The following GNB1 variants were observed in gnomAD, a reference collection of about 807,000 sequenced individuals.
GNB1 encodes guanine nucleotide-binding protein G(I)/G(S)/G(T) subunit beta-1.
GNB1 carries 2 observed loss-of-function variants against 42.9 expected under a neutral mutation model. The observed-to-expected ratio is 0.05, with a 90% CI of 0.02 to 0.15. The LOEUF (loss-of-function observed/expected upper bound fraction) is 0.15, where lower values mean the gene tolerates loss of function less well. Ranked by LOEUF, GNB1 falls within the 10% of genes least tolerant of loss-of-function variation. The pLI is 1.00. For missense variants in GNB1, 193 were observed against 462.2 expected (o/e 0.42, Z 5.34); for synonymous variants, 183 against 174.7 (o/e 1.05, Z -0.38).
At chr1:1,808,521 C>T (rs778651877) in intron 5 of GNB1, among the ~76,000 whole-genome samples, 1 of 152,150 alleles carries the variant, frequency 6.6e-6, no homozygotes, top group Non-Finnish European at 1.5e-5. Flanking sequence ...ATGCTGTTTT[C>T]AAGGAAGAGC....
intron 2 of GNB1, among the ~76,000 whole-genome samples, chr1:1,835,957 G>A (rs1647143158): frequency 7.1e-6 from 1 of 141,804 alleles, no homozygotes. Flanking sequence ...AGACATGGTA[G>A]TGCGTGCCTA....
At chr1:1,850,538 C>T (rs546608657) in intron 1 of GNB1, among the ~76,000 whole-genome samples, 1 of 152,166 alleles carries the variant, frequency 6.6e-6, no homozygotes, top group Admixed American at 6.6e-5. Flanking sequence ...CTGACAAACT[C>T]ACTGAGAAAA....
chr1:1,819,953 T>C (rs1646909274), intron 3 of GNB1, among the ~76,000 whole-genome samples: 4 of 152,200 alleles, frequency 2.6e-5, no homozygotes, highest in Admixed American at 2.6e-4. Flanking sequence ...GTGCCCCACA[T>C]GGGGAAGGTG....
In GNB1 at chr1:1,786,250, G is replaced by T; in HGVS notation, c.*813C>A. ...TATAAACTTCCCTCCAACTTCACAAGGAAACCCAAAGTGAGATTAAAAACT... is the reference window on the plus strand; with the variant it reads ...TATAAACTTCCCTCCAACTTCACAATGAAACCCAAAGTGAGATTAAAAACT... On this transcript the variant is annotated 3_prime_UTR_variant, in exon 12 of 12. Coordinates refer to ENST00000378609, the MANE Select transcript of GNB1 (RefSeq NM_002074.5). The T allele has an allele frequency of 2.5e-6, 1 of 393,518 alleles. No individual in the cohort carries two copies. Among genetic ancestry groups the T allele is most frequent in the Non-Finnish European group, 4.5e-6 (1 of 223,210 alleles). 24.4% of individuals were successfully genotyped at this position (393,518 alleles called of 1,614,324 possible). A position where few individuals can be genotyped will look rare whatever the true frequency, so the allele number is the denominator to read the frequency against.
chr1:1,785,908 G>A lies in GNB1; in HGVS notation c.*1155C>T, dbSNP rs1230164244. 2 of 398,738 alleles carry A rather than the reference G, an allele frequency of 5.0e-6. No homozygotes were observed. The highest frequency in any genetic ancestry group is 2.1e-5 in the African/African-American group (1 of 48,672). 24.7% of individuals were successfully genotyped at this position (398,738 alleles called of 1,614,324 possible). A position where few individuals can be genotyped will look rare whatever the true frequency, so the allele number is the denominator to read the frequency against. ...CCGATATGTGCCACAGAGCAGCAACGAGAAGTGGACAGAGCCGCAATGGTT... is the reference window on the plus strand; with the variant it reads ...CCGATATGTGCCACAGAGCAGCAACAAGAAGTGGACAGAGCCGCAATGGTT... On this transcript the variant is annotated 3_prime_UTR_variant, in exon 12 of 12. Transcript: ENST00000378609.
At chr1:1,849,811 T>C (rs891238577) in intron 1 of GNB1, among the ~76,000 whole-genome samples, 1 of 152,200 alleles carries the variant, frequency 6.6e-6, no homozygotes, top group Non-Finnish European at 1.5e-5. Context: ...TTTATGGTGC[T>C]TGGAGTCCTC....
At chr1:1,797,889 G>T (rs1646568146) in intron 7 of GNB1, among the ~76,000 whole-genome samples, 2 of 152,258 alleles carry the variant, frequency 1.3e-5, no homozygotes, top group Admixed American at 1.3e-4. Context: ...CAAATGCCAA[G>T]AAGTCAGCCA....
intron 1 of GNB1, among the ~76,000 whole-genome samples, chr1:1,842,157 A>G (rs546189168): frequency 1.4e-3 from 212 of 152,052 alleles, no homozygotes; most frequent in Non-Finnish European, 2.4e-3. Context: ...ATTGCCAGGC[A>G]CGGTGGCTCA....
At chr1:1,888,827 G>A (rs1410005730) in intron 1 of GNB1, among the ~76,000 whole-genome samples, 2 of 152,006 alleles carry the variant, frequency 1.3e-5, no homozygotes, top group Non-Finnish European at 1.5e-5. Flanking sequence ...CAACAAGAGC[G>A]AAACTCCATC....
chr1:1,824,770 C>A (rs1646974832), intron 3 of GNB1, among the ~76,000 whole-genome samples: 1 of 151,980 alleles, frequency 6.6e-6, no homozygotes, highest in South Asian at 2.1e-4. Flanking sequence ...ATGGGGGTTT[C>A]ACTATGTTGC....
rs540528684 is a variant in GNB1 at position 1,851,305 on chromosome 1, G to T, written c.-95-12067C>A. On this transcript the variant is annotated intron_variant, in intron 1 of 11. Coordinates refer to ENST00000378609, the MANE Select transcript of GNB1 (RefSeq NM_002074.5). The stretch of plus-strand genomic sequence containing the variant: ...CATGCCTGTAATTCCAGCTACTCGG[G>T]AGGCTGAGGCAGGAGAATCGCTTGA... 2.6e-3 allele frequency among the ~76,000 whole-genome samples: 393 copies of T among 152,218 alleles called. 2 individuals are homozygous for T. The highest frequency in any genetic ancestry group is 8.7e-3 in the African/African-American group (360 of 41,532).
At chr1:1,823,129 C>A (rs1646954264) in intron 3 of GNB1, among the ~76,000 whole-genome samples, 1 of 151,452 alleles carries the variant, frequency 6.6e-6, no homozygotes, top group African/African-American at 2.4e-5. Context: ...ATAGTCCCAG[C>A]TCCTCAGGAG....
chr1:1,833,386 C>G (rs184989306), intron 2 of GNB1, among the ~76,000 whole-genome samples: 3 of 152,014 alleles, frequency 2.0e-5, no homozygotes, highest in African/African-American at 7.3e-5. Flanking sequence ...CAAAGGGCAA[C>G]GGAAAAAGTC....
chr1:1,879,602 G>C (rs1649730376), intron 1 of GNB1, among the ~76,000 whole-genome samples: 6 of 151,924 alleles, frequency 3.9e-5, no homozygotes, highest in Admixed American at 3.9e-4. Context: ...CTATTCGGGA[G>C]GCTGAGGCAG....
chr1:1,850,735 C>A (rs1647935829), intron 1 of GNB1, among the ~76,000 whole-genome samples: 1 of 152,130 alleles, frequency 6.6e-6, no homozygotes, highest in Non-Finnish European at 1.5e-5. Flanking sequence ...TGGGTCATCT[C>A]TAAGTTGGCT....
chr1:1,837,504 T>G (rs1647168706), intron 2 of GNB1, among the ~76,000 whole-genome samples: 1 of 151,906 alleles, frequency 6.6e-6, no homozygotes, highest in African/African-American at 2.4e-5. Context: ...TCCACCCTCC[T>G]TGGCCTCCCA....
chr1:1,874,769 G>A (rs528128417), intron 1 of GNB1, among the ~76,000 whole-genome samples: 43 of 151,602 alleles, frequency 2.8e-4, no homozygotes, highest in African/African-American at 9.9e-4. Flanking sequence ...CAGCCTGGGT[G>A]ACAAAGAGTG....
intron 10 of GNB1, 88 bp downstream of exon 10, chr1:1,788,965 C>A: frequency 2.1e-6 from 2 of 950,700 alleles, no homozygotes; most frequent in Non-Finnish European, 3.3e-6. Context: ...GATACTAAAA[C>A]ACTGCAGCTT....
In GNB1 at chr1:1,835,922, G is replaced by GAAAAAAAAAAAAAAA. The variant is rs59271649; in HGVS notation, c.-47+3253_-47+3267dup. On this transcript the variant is annotated intron_variant, in intron 2 of 11. Coordinates refer to ENST00000378609, the MANE Select transcript of GNB1 (RefSeq NM_002074.5). The stretch of plus-strand genomic sequence containing the variant: ...CCCCGTCTTACAAGAATTAAAAAAA[G>GAAAAAAAAAAAAAAA]AAAAAAAAAAAAAAAAAAAAAGCCA... 2.1e-4 allele frequency among the ~76,000 whole-genome samples: 19 copies of GAAAAAAAAAAAAAAA among 88,668 alleles called. 1 individual carries two copies. The highest frequency in any genetic ancestry group is 3.1e-4 in the Admixed American group (2 of 6,450). The allele number at this position is 88,668 out of a possible 152,430, so 58.2% of individuals were successfully genotyped here.
Sources: allele counts gnomAD v4.1 joint callset (sites outside exome capture counted in the v4.1 genomes callset), GRCh38; gene constraint gnomAD v4.1.1; transcripts MANE v1.5; gene names NCBI Gene and HGNC (gene_info 2026-07-23, HGNC 2026-07-21).